CCDC50: variants seen among roughly 807,000 people sequenced by gnomAD.
CCDC50 encodes the protein coiled-coil domain containing 50, also known as coiled-coil domain-containing protein 50.
A neutral mutation model predicts 70.2 loss-of-function variants in CCDC50; 54 were observed. That is an observed-to-expected ratio of 0.77 (90% confidence interval 0.62 to 0.96). The LOEUF (loss-of-function observed/expected upper bound fraction) is 0.96. Among genes scored for constraint, CCDC50 ranks in the 50% least tolerant of loss-of-function variants. The pLI, the probability that CCDC50 is intolerant of heterozygous loss-of-function variation, is 0.00. For synonymous variants in CCDC50, 216 were observed against 198.8 expected (o/e 1.09, Z -0.73); for missense variants, 558 against 578.7 (o/e 0.96, Z 0.37).
At chr3:191,369,197 C>T (rs1712810341) in intron 4 of CCDC50, among the ~76,000 whole-genome samples, 1 of 152,120 alleles carries the variant, frequency 6.6e-6, no homozygotes, top group African/African-American at 2.4e-5. Context: ...AAATCTTGTA[C>T]TAATTCCTTT....
rs116414316 is a variant in CCDC50, at chr3:191,348,964, A to T, written c.50-8124A>T. 7.1e-3 allele frequency among the ~76,000 whole-genome samples: 1,006 copies of T among 142,258 alleles called. 127 individuals are homozygous for T. Among genetic ancestry groups the T allele is most frequent in the African/African-American group, 0.023 (937 of 39,996 alleles). The allele number at this position is 142,258 out of a possible 152,430, so 93.3% of individuals were successfully genotyped here. A position where few individuals can be genotyped will look rare whatever the true frequency, so the allele number is the denominator to read the frequency against. ...AAGTGAGAAATTTTAGCTATCAGTG[A>T]TCAGCAACTCAGAACTAAGTTTGCT... is the stretch of plus-strand genomic sequence containing the variant. On this transcript the variant is annotated intron_variant, in intron 1 of 11. Coordinates refer to ENST00000392455, the MANE Select transcript of CCDC50 (RefSeq NM_178335.3).
chr3:191,385,292 G>T (rs1713449664), intron 10 of CCDC50, among the ~76,000 whole-genome samples: 1 of 152,100 alleles, frequency 6.6e-6, no homozygotes, highest in African/African-American at 2.4e-5. Flanking sequence ...GTGTAAAAGT[G>T]GTGTTCCCCT....
chr3:191,343,154 C>A (rs76024737), intron 1 of CCDC50, among the ~76,000 whole-genome samples: 3,916 of 152,202 alleles, frequency 0.026, 151 homozygotes, highest in African/African-American at 0.09. Flanking sequence ...GAGTATGCAC[C>A]TATTTTGGTA....
chr3:191,334,471 A>G (rs1172948775), intron 1 of CCDC50, among the ~76,000 whole-genome samples: 1 of 152,150 alleles, frequency 6.6e-6, no homozygotes, highest in Non-Finnish European at 1.5e-5. Context: ...GAGATTTCAG[A>G]GTAGAAAGCA....
At chr3:191,372,778 T>C (rs900986831) in intron 5 of CCDC50, among the ~76,000 whole-genome samples, 1 of 152,132 alleles carries the variant, frequency 6.6e-6, no homozygotes, top group African/African-American at 2.4e-5. Flanking sequence ...CAAAGCCACT[T>C]ATTGAAGTCA....
intron 1 of CCDC50, among the ~76,000 whole-genome samples, chr3:191,340,759 G>A (rs1711693861): frequency 6.6e-6 from 1 of 152,154 alleles, no homozygotes; most frequent in Non-Finnish European, 1.5e-5. Flanking sequence ...GGACATATGA[G>A]GTTAGAAAGA....
chr3:191,391,658 T>C (rs1713696035), intron 11 of CCDC50, 83 bp from the exon 12 acceptor site: 2 of 1,200,380 alleles, frequency 1.7e-6, no homozygotes, highest in Non-Finnish European at 2.5e-6. Context: ...AATAAAGTTA[T>C]TTTACTTGGG....
At position 191,385,961 on chromosome 3, in the gene CCDC50, TG is replaced by T. The variant is rs1713479869; in HGVS notation, c.1322+3137del. 2.6e-5 allele frequency among the ~76,000 whole-genome samples: 4 copies of T among 152,160 alleles called. No individual in the cohort carries two copies. The South Asian group carries it at 8.3e-4, about 32-fold the overall frequency. On this transcript the variant is annotated intron_variant, in intron 10 of 11. Transcript: ENST00000392455. ...GTGTGCAGCTTTATTTCAAGGGATC[TG>T]TACTCTGTTACATTGGTCTGTGTGT...
intron 3 of CCDC50, among the ~76,000 whole-genome samples, chr3:191,360,341 G>A (rs915507684): frequency 1.1e-4 from 16 of 152,314 alleles, no homozygotes; most frequent in Admixed American, 9.2e-4. Flanking sequence ...TGTGTCACTT[G>A]TGACCTTTAA....
chr3:191,377,235 G>T (rs1230137166), intron 6 of CCDC50, among the ~76,000 whole-genome samples: 1 of 152,058 alleles, frequency 6.6e-6, no homozygotes, highest in African/African-American at 2.4e-5. Flanking sequence ...ACAGGTCAGA[G>T]GATTACATTA....
intron 5 of CCDC50, chr3:191,370,353 A>G (rs1047548150): frequency 3.4e-4 from 107 of 312,666 alleles, no homozygotes; most frequent in Non-Finnish European, 1.9e-4. Context: ...GCCTAATGCT[A>G]TCCCTCCCCC....
chr3:191,329,935 G>GGGA, intron 1 of CCDC50, among the ~76,000 whole-genome samples: 2 of 96,016 alleles, frequency 2.1e-5, no homozygotes, highest in Non-Finnish European at 3.7e-5. Context: ...TTTCTCAAGG[G>GGGA]GGTGGTTGGG....
intron 1 of CCDC50, among the ~76,000 whole-genome samples, chr3:191,348,919 G>A (rs1389053713): frequency 7.0e-6 from 1 of 142,212 alleles, no homozygotes; most frequent in Non-Finnish European, 1.6e-5. Flanking sequence ...GTGTTCTTTT[G>A]TTTTCAGCCT....
At chr3:191,373,603 G>C (rs1446285295) in intron 5 of CCDC50, among the ~76,000 whole-genome samples, 1 of 152,078 alleles carries the variant, frequency 6.6e-6, no homozygotes, top group African/African-American at 2.4e-5. Context: ...TACAGCAGTA[G>C]TCACTTGATT....
In CCDC50 at chr3:191,380,288, A is replaced by G; in HGVS notation, c.1092+14A>G. The G allele has an allele frequency of 1.3e-5, 20 of 1,543,596 alleles. No individual in the cohort carries two copies. The highest frequency in any genetic ancestry group is 1.7e-5 in the Non-Finnish European group (19 of 1,116,678). On this transcript the variant is annotated intron_variant, in intron 7 of 11. Coordinates refer to ENST00000392455, the MANE Select transcript of CCDC50 (RefSeq NM_178335.3). ...GAAGAACTTTTGGTGAGCAAATTTT[A>G]AGGCAAAAGTTTAGATATATTGATG...
chr3:191,370,888 C>G (rs954271822), intron 5 of CCDC50, among the ~76,000 whole-genome samples: 1 of 152,048 alleles, frequency 6.6e-6, no homozygotes, highest in Non-Finnish European at 1.5e-5. Flanking sequence ...TAAACTTTAG[C>G]GACTTGGAAT....
chr3:191,394,183 C>CT lies in CCDC50; in HGVS notation c.*2430dup, dbSNP rs1560175239. 6.6e-6 allele frequency: 1 copy of CT among 151,920 alleles called. No individual in the cohort carries two copies. The highest frequency in any genetic ancestry group is 2.4e-5 in the African/African-American group (1 of 41,386). 9.4% of individuals were successfully genotyped at this position (151,920 alleles called of 1,614,324 possible). A position where few individuals can be genotyped will look rare whatever the true frequency, so the allele number is the denominator to read the frequency against. On this transcript the variant is annotated 3_prime_UTR_variant, in exon 12 of 12. Coordinates refer to ENST00000392455, the MANE Select transcript of CCDC50 (RefSeq NM_178335.3). ...CAACATCTTTATTGAAAATTTGTTA[C>CT]TTTTTTTAAAGGTTTTTAAAAGATT... is the stretch of plus-strand genomic sequence containing the variant.
At chr3:191,376,781 G>C (rs753011454) in intron 6 of CCDC50, among the ~76,000 whole-genome samples, 1 of 152,116 alleles carries the variant, frequency 6.6e-6, no homozygotes, top group Non-Finnish European at 1.5e-5. Flanking sequence ...AAAAATAGAG[G>C]AAAGTGTGAT....
chr3:191,355,524 G>A (rs1008902299), intron 1 of CCDC50, among the ~76,000 whole-genome samples: 1 of 152,164 alleles, frequency 6.6e-6, no homozygotes, highest in South Asian at 2.1e-4. Flanking sequence ...GCTCTTGCTG[G>A]CTTAGATGTT....
Sources: gnomAD v4.1 joint callset for allele counts (sites outside exome capture counted in the v4.1 genomes callset) on GRCh38, gnomAD v4.1.1 for gene constraint, MANE v1.5 for transcripts, NCBI Gene and HGNC (gene_info 2026-07-23, HGNC 2026-07-21) for gene names.